Variants in BCKDHB observed in about 807,000 individuals in gnomAD.
The protein encoded by BCKDHB is 2-oxoisovalerate dehydrogenase subunit beta, mitochondrial.
In BCKDHB, 41 loss-of-function variants were observed where a neutral mutation model predicts 48.5. The ratio of observed to expected loss-of-function variants is 0.85; its 90% CI spans 0.66 to 1.10. The LOEUF is 1.10. Ranked by LOEUF, BCKDHB falls within the 50% of genes least tolerant of loss-of-function variation. BCKDHB has a pLI of 0.00. For synonymous variants in BCKDHB, 201 were observed against 174.8 expected, an observed-to-expected ratio of 1.15 and a Z score of -1.18; for missense variants, 496 against 494.2, an observed-to-expected ratio of 1.00 and a Z score of -0.03.
At chr6:80,348,650 G>A (rs1173350441), downstream of BCKDHB, among the ~76,000 whole-genome samples, 1 of 152,182 alleles carries the variant, frequency 6.6e-6, no homozygotes, top group Admixed American at 6.5e-5. Context: ...ATTTTCACCT[G>A]CTCCAAGTAC....
At chr6:80,262,139 A>G (rs1001504170) in intron 8 of BCKDHB, among the ~76,000 whole-genome samples, 1 of 152,162 alleles carries the variant, frequency 6.6e-6, no homozygotes, top group South Asian at 2.1e-4. Context: ...AGGGTCACAC[A>G]CTGAAGGGCC....
the BCKDHB span, chr6:80,355,881 C>T: frequency 6.6e-6 from 1 of 152,198 alleles, no homozygotes; most frequent in Non-Finnish European, 1.5e-5. Context: ...AGCTGACGCT[C>T]ACTATTGAAG....
chr6:80,181,685 G>A (rs1470938489), intron 6 of BCKDHB, among the ~76,000 whole-genome samples: 1 of 152,194 alleles, frequency 6.6e-6, no homozygotes. Context: ...GGAAGCAGAG[G>A]TTGTAAGGCC....
the BCKDHB span, among the ~76,000 whole-genome samples, chr6:80,461,417 G>T: frequency 2.6e-5 from 4 of 152,022 alleles, no homozygotes; most frequent in Non-Finnish European, 1.5e-5. Context: ...GGCTCCCATT[G>T]TCTGTTTCTT....
At chr6:80,204,888 T>C (rs947564543) in intron 8 of BCKDHB, among the ~76,000 whole-genome samples, 3 of 152,060 alleles carry the variant, frequency 2.0e-5, no homozygotes, top group African/African-American at 4.8e-5. Flanking sequence ...GATCCTAGAA[T>C]GCAGATCCAT....
chr6:80,437,184 A>G, the BCKDHB span, among the ~76,000 whole-genome samples: 2 of 152,194 alleles, frequency 1.3e-5, no homozygotes, highest in Non-Finnish European at 2.9e-5. Flanking sequence ...GACTTCCCAG[A>G]ATAAAATCTT....
rs369846398 is a variant in BCKDHB at position 80,201,614 on chromosome 6, A to G, written c.840+583A>G. ...ATCACATTTCCTGCCATCTCTCATCATTACTTTGCTGCTCACGTGGACCCA... is the reference window on the plus strand; with the variant it reads ...ATCACATTTCCTGCCATCTCTCATCGTTACTTTGCTGCTCACGTGGACCCA... On this transcript the variant is annotated intron_variant, in intron 7 of 9. Coordinates refer to ENST00000320393, the MANE Select transcript of BCKDHB (RefSeq NM_183050.4). 2.5e-3 allele frequency among the ~76,000 whole-genome samples: 378 copies of G among 152,212 alleles called. 1 individual carries two copies. Among genetic ancestry groups the G allele is most frequent in the African/African-American group, 8.0e-3 (334 of 41,534 alleles).
the BCKDHB span, among the ~76,000 whole-genome samples, chr6:80,439,538 A>G: frequency 2.6e-5 from 4 of 152,212 alleles, no homozygotes; most frequent in Admixed American, 6.5e-5. Flanking sequence ...AAATATTGCA[A>G]TGACTTAAAA....
intron 3 of BCKDHB, among the ~76,000 whole-genome samples, chr6:80,147,780 A>AGCT (rs1438172461): frequency 6.6e-6 from 1 of 152,190 alleles, no homozygotes; most frequent in African/African-American, 2.4e-5. Flanking sequence ...CAGAAGCAGC[A>AGCT]GCTGCTGCAG....
At chr6:80,310,401 C>T (rs1276599011) in intron 9 of BCKDHB, among the ~76,000 whole-genome samples, 1 of 152,212 alleles carries the variant, frequency 6.6e-6, no homozygotes, top group African/African-American at 2.4e-5. Context: ...TCGCTTCCAG[C>T]TCCATCCATG....
intron 9 of BCKDHB, among the ~76,000 whole-genome samples, chr6:80,320,828 T>C (rs1167224340): frequency 6.6e-6 from 1 of 152,340 alleles, no homozygotes; most frequent in East Asian, 1.9e-4. Flanking sequence ...ATGTCACTTA[T>C]ACATGTACAA....
At chr6:80,206,084 A>T (rs1194121199) in intron 8 of BCKDHB, among the ~76,000 whole-genome samples, 1 of 152,144 alleles carries the variant, frequency 6.6e-6, no homozygotes, top group Non-Finnish European at 1.5e-5. Context: ...TGAATGGTGA[A>T]AGGTAAGTAG....
intron 8 of BCKDHB, among the ~76,000 whole-genome samples, chr6:80,238,687 G>T (rs897905299): frequency 6.6e-6 from 1 of 151,724 alleles, no homozygotes; most frequent in Non-Finnish European, 1.5e-5. Context: ...TACCATGCTG[G>T]TGTGCTGCAC....
intron 3 of BCKDHB, among the ~76,000 whole-genome samples, chr6:80,158,071 A>G (rs1474412344): frequency 6.6e-6 from 1 of 152,196 alleles, no homozygotes; most frequent in Non-Finnish European, 1.5e-5. Flanking sequence ...CTATTGGACT[A>G]CTGATGAAAT....
chr6:80,184,392 A>T (rs1454191115), intron 6 of BCKDHB, among the ~76,000 whole-genome samples: 1 of 152,130 alleles, frequency 6.6e-6, no homozygotes, highest in Non-Finnish European at 1.5e-5. Context: ...GTAGATTTTT[A>T]TTTATTCTGT....
At chr6:80,287,929 G>A (rs1447766225) in intron 9 of BCKDHB, among the ~76,000 whole-genome samples, 1 of 152,026 alleles carries the variant, frequency 6.6e-6, no homozygotes, top group African/African-American at 2.4e-5. Flanking sequence ...AAAATTTGAG[G>A]TTTCTTTGCC....
intron 9 of BCKDHB, among the ~76,000 whole-genome samples, chr6:80,336,619 T>G (rs1769609134): frequency 6.6e-6 from 1 of 151,848 alleles, no homozygotes; most frequent in South Asian, 2.1e-4. Context: ...GTAATAGAGA[T>G]CTCAGATTTT....
At chr6:80,384,772 A>T in the BCKDHB span, among the ~76,000 whole-genome samples, 4 of 152,244 alleles carry the variant, frequency 2.6e-5, 1 homozygote, top group African/African-American at 7.2e-5. Context: ...CTCTTTATAT[A>T]TATCTTATTA....
the BCKDHB span, among the ~76,000 whole-genome samples, chr6:80,427,064 A>G: frequency 6.6e-6 from 1 of 152,130 alleles, no homozygotes; most frequent in East Asian, 1.9e-4. Context: ...CTAGATGAAT[A>G]AATACCTTTA....
Sources: allele counts gnomAD v4.1 joint callset (sites outside exome capture counted in the v4.1 genomes callset), GRCh38; gene constraint gnomAD v4.1.1; transcripts MANE v1.5; gene names NCBI Gene and HGNC (gene_info 2026-07-23, HGNC 2026-07-21).